SARDH: variants seen among roughly 807,000 people sequenced by gnomAD.
SARDH encodes sarcosine dehydrogenase, mitochondrial.
A neutral mutation model predicts 109.1 loss-of-function variants in SARDH; 95 were observed. That is an observed-to-expected ratio of 0.87 (90% CI 0.74 to 1.03). The LOEUF is 1.03. Ranked by LOEUF, SARDH falls within the 50% of genes least tolerant of loss-of-function variation. SARDH has a pLI of 0.00. For missense variants in SARDH, 1,267 were observed against 1,287.8 expected, an observed-to-expected ratio of 0.98 and a Z score of 0.25; for synonymous variants, 572 against 534.8, an observed-to-expected ratio of 1.07 and a Z score of -0.96.
chr9:133,689,631 C>T (rs1831020370), intron 16 of SARDH, among the ~76,000 whole-genome samples: 1 of 152,168 alleles, frequency 6.6e-6, no homozygotes, highest in South Asian at 2.1e-4. Context: ...ACAATTATGA[C>T]CACCTCAAAG....
chr9:133,699,137 A>G (rs1831390383), intron 13 of SARDH, among the ~76,000 whole-genome samples: 1 of 152,114 alleles, frequency 6.6e-6, no homozygotes, highest in Non-Finnish European at 1.5e-5. Flanking sequence ...ACCTGAGGTC[A>G]GGAGTTCGAG....
At chr9:133,708,237 C>T (rs576215054) in intron 11 of SARDH, 50 bp downstream of exon 11, 34 of 1,569,452 alleles carry the variant, frequency 2.2e-5, no homozygotes, top group South Asian at 2.1e-4. Context: ...GCCCTGAGGA[C>T]GTCCCAGACC....
At position 133,686,670 on chromosome 9, in the gene SARDH, GC is replaced by G. The variant is rs769038442; in HGVS notation, c.2070-1385del. Among the ~76,000 whole-genome samples the G allele has an allele frequency of 2.5e-4, 38 of 152,128 alleles. No homozygotes were observed. The highest frequency in any genetic ancestry group is 6.2e-4 in the South Asian group (3 of 4,810). The stretch of plus-strand genomic sequence containing the variant: ...GGTGAGGCCCCCATTGCTAGGAGAC[GC>G]CCCCCCACTTCTGTCCCTCTGGGAT... On this transcript the variant is annotated intron_variant, in intron 16 of 20. Transcript: ENST00000439388. This position sits in a 1 kb window ranked among gnomAD's most constrained non-coding sequence, Gnocchi z 4.0.
At chr9:133,661,467 G>A (rs1341974068), downstream of SARDH, among the ~76,000 whole-genome samples, 5 of 152,010 alleles carry the variant, frequency 3.3e-5, no homozygotes, top group Non-Finnish European at 2.9e-5. Flanking sequence ...TGCCGGTGAC[G>A]ATGTAGGCAC....
rs1832628251 is a variant in SARDH at position 133,730,178 on chromosome 9, T to A, written c.700A>T (p.Asn234Tyr). ...ACACGAATGCCGGTCACTGGGCAGTTCTCAATGACCTGGAATTGAGAGGAA... is the reference window on the plus strand; with the variant it reads ...ACACGAATGCCGGTCACTGGGCAGTACTCAATGACCTGGAATTGAGAGGAA... Reference protein sequence around the residue: ...ASARGAQVIENCPVTGIRVWT... With the variant: ...ASARGAQVIEYCPVTGIRVWT... Residue 234 changes from asparagine (N) to tyrosine (Y), a missense_variant, in exon 5 of 21, where the codon AAC becomes TAC. Asn to Tyr is a moderately radical substitution (Grantham distance 143). Coordinates refer to ENST00000439388, the MANE Select transcript of SARDH (RefSeq NM_001134707.2). 2 of 1,614,048 alleles carry A rather than the reference T, an allele frequency of 1.2e-6. No homozygotes were observed. Among genetic ancestry groups the A allele is most frequent in the African/African-American group, 2.7e-5 (2 of 74,922 alleles).
rs199802293 is a variant in SARDH, at chr9:133,708,388, G to A, written c.1369C>T (p.Arg457Ter). ...HSLTDHPRWI[R>*]ERSHESYAKN... ...GCGTAGGACTCATGGCTTCGCTCTC[G>A]GATCCAGCGGGGGTGGTCCGTGAGC... The change falls in exon 11 of 21, where the codon CGA becomes TGA. Residue 457 changes from arginine to a stop codon, truncating the protein, a stop_gained. Coordinates refer to ENST00000439388, the MANE Select transcript of SARDH (RefSeq NM_001134707.2). LOFTEE classifies it high-confidence loss of function. 126 of 1,612,536 alleles carry A rather than the reference G, an allele frequency of 7.8e-5. No homozygotes were observed. Among genetic ancestry groups the A allele is most frequent in the African/African-American group, 9.3e-5 (7 of 74,882 alleles).
downstream of SARDH, among the ~76,000 whole-genome samples, chr9:133,661,485 T>C (rs185641386): frequency 2.6e-5 from 4 of 152,168 alleles, no homozygotes; most frequent in Admixed American, 2.6e-4. Flanking sequence ...CACTTTCTTT[T>C]TTTTGTTGTT....
At position 133,666,355 on chromosome 9, in the gene SARDH, CCTT is replaced by C. The variant is rs1830062679; in HGVS notation, c.2631+377_2631+379del. Among the ~76,000 whole-genome samples, 1 of 152,114 alleles carries C rather than the reference CCTT, an allele frequency of 6.6e-6. No homozygotes were observed. Among genetic ancestry groups the C allele is most frequent in the Non-Finnish European group, 1.5e-5 (1 of 68,010 alleles). On this transcript the variant is annotated intron_variant, in intron 20 of 20. Transcript: ENST00000439388. The surrounding 1 kb of genome is among the most constrained non-coding windows in gnomAD (Gnocchi z 5.2). Reference sequence around the variant, plus strand: ...GTATCAGCCTGGCTGGCTGGCACCTCCTTCTAACCAAAAAAAGCCTGGAATCAC... The same window carrying C: ...GTATCAGCCTGGCTGGCTGGCACCTCCTAACCAAAAAAAGCCTGGAATCAC...
chr9:133,659,777 GGC>G (rs1440728188), downstream of SARDH, among the ~76,000 whole-genome samples: 1 of 152,098 alleles, frequency 6.6e-6, no homozygotes, highest in African/African-American at 2.4e-5. Context: ...TGAAATGCCA[GGC>G]CCCAGCCTGG....
In SARDH at chr9:133,718,470, T is replaced by A. The variant is rs1564287711; in HGVS notation, c.1020+468A>T. The stretch of plus-strand genomic sequence containing the variant: ...CTCTTTCTCCAGAAATTAAAGCAGT[T>A]TTTAGCCCAAAGTAGCCACTCAGTC... On this transcript the variant is annotated intron_variant, in intron 7 of 20. Coordinates refer to ENST00000439388, the MANE Select transcript of SARDH (RefSeq NM_001134707.2). This position sits in a 1 kb window ranked among gnomAD's most constrained non-coding sequence, Gnocchi z 4.2. 1 of 515,386 alleles carries A rather than the reference T, an allele frequency of 1.9e-6. No homozygotes were observed. The highest frequency in any genetic ancestry group is 3.4e-6 in the Non-Finnish European group (1 of 291,764). 31.9% of individuals were successfully genotyped at this position (515,386 alleles called of 1,614,324 possible).
chr9:133,696,130 C>T (rs938404600), intron 14 of SARDH, 93 bp downstream of exon 14: 16 of 1,513,432 alleles, frequency 1.1e-5, no homozygotes, highest in African/African-American at 8.2e-5. Context: ...TCAGGGTGCC[C>T]GAGGGGACAG....
intron 2 of SARDH, 70 bp from the exon 3 acceptor site, chr9:133,732,671 A>C: frequency 1.1e-5 from 17 of 1,485,944 alleles, no homozygotes; most frequent in Non-Finnish European, 1.4e-5. Flanking sequence ...GACGAATATC[A>C]GGGGATACCC....
chr9:133,675,713 G>A (rs974086142), intron 17 of SARDH, among the ~76,000 whole-genome samples: 1 of 152,162 alleles, frequency 6.6e-6, no homozygotes. Context: ...TGAAAGGAGG[G>A]ATTCGAAGAG....
intron 8 of SARDH, 54 bp from the exon 9 acceptor site, chr9:133,713,178 G>C (rs1831994577): frequency 6.7e-7 from 1 of 1,492,152 alleles, no homozygotes; most frequent in Non-Finnish European, 9.2e-7. Context: ...CATACTCTTG[G>C]GGTGAGGTCT....
intron 15 of SARDH, 93 bp from the exon 16 acceptor site, chr9:133,690,620 C>A: frequency 7.0e-7 from 1 of 1,430,644 alleles, no homozygotes; most frequent in Non-Finnish European, 9.5e-7. Context: ...GCTGAGAAAA[C>A]AAATGCCCTC....
In SARDH at chr9:133,704,804, C is replaced by T. The variant is rs879178068; in HGVS notation, c.1554+144G>A. ...GGGGCAGGTCGGCAGGGCTCGGCTT[C>T]CCGTGTGCAGAATAACTGATCACGA... is the stretch of plus-strand genomic sequence containing the variant. On this transcript the variant is annotated intron_variant, in intron 12 of 20. Transcript: ENST00000439388. The surrounding 1 kb of genome is among the most constrained non-coding windows in gnomAD (Gnocchi z 4.5). 486 of 684,920 alleles carry T rather than the reference C, an allele frequency of 7.1e-4. 2 individuals carry two copies. The East Asian group carries it at 0.012, about 17-fold the overall frequency. The allele number at this position is 684,920 out of a possible 1,614,324, so 42.4% of individuals were successfully genotyped here.
At chr9:133,694,499 T>C in intron 14 of SARDH, 128 bp from the exon 15 acceptor site, 1 of 789,234 alleles carries the variant, frequency 1.3e-6, no homozygotes, top group East Asian at 2.7e-5. Context: ...CCAGACAGGA[T>C]GCCCTACTGG....
intron 11 of SARDH, among the ~76,000 whole-genome samples, chr9:133,706,171 G>A (rs1831689840): frequency 6.6e-6 from 1 of 152,216 alleles, no homozygotes; most frequent in African/African-American, 2.4e-5. Flanking sequence ...TGTTCACTGA[G>A]CTCTATGCGC....
chr9:133,715,312 T>C (rs1832078612), intron 8 of SARDH, among the ~76,000 whole-genome samples: 1 of 152,104 alleles, frequency 6.6e-6, no homozygotes, highest in Non-Finnish European at 1.5e-5. Flanking sequence ...CCCAGGCTAA[T>C]TAAAACGAGA....
Sources: allele counts gnomAD v4.1 joint callset (sites outside exome capture counted in the v4.1 genomes callset), GRCh38; gene constraint gnomAD v4.1.1; non-coding constraint Gnocchi (gnomAD v3.1); transcripts MANE v1.5; gene names NCBI Gene and HGNC (gene_info 2026-07-23, HGNC 2026-07-21).